ADAMTS9: variants seen among roughly 807,000 people sequenced by gnomAD.
ADAMTS9 encodes the protein A disintegrin and metalloproteinase with thrombospondin motifs 9.
ADAMTS9 carries 107 observed loss-of-function variants against 257.1 expected under a neutral mutation model. The ratio of observed to expected loss-of-function variants is 0.42; its 90% CI spans 0.36 to 0.49. The LOEUF is 0.49. Among genes scored for constraint, ADAMTS9 ranks in the 20% least tolerant of loss-of-function variants. The probability of loss-of-function intolerance (pLI) is 0.03; values close to 1 mark genes in which losing one functional copy is unlikely to be tolerated. For missense variants in ADAMTS9, 2,353 were observed against 2,469.1 expected (o/e 0.95, Z 1.00); for synonymous variants, 982 against 880.9 (o/e 1.11, Z -2.03).
At chr3:64,570,924 A>G (rs1369408499) in intron 28 of ADAMTS9, among the ~76,000 whole-genome samples, 1 of 152,078 alleles carries the variant, frequency 6.6e-6, no homozygotes, top group Non-Finnish European at 1.5e-5. Context: ...CTTAAAGGAT[A>G]TAGAATCATG....
intron 38 of ADAMTS9, 115 bp downstream of exon 38, chr3:64,533,051 G>C (rs944101901): frequency 5.6e-6 from 5 of 887,092 alleles, no homozygotes; most frequent in Non-Finnish European, 8.8e-6. Context: ...CTACAAAATG[G>C]CTTAAGTGGG....
chr3:64,569,975 G>A (rs1190886094), intron 28 of ADAMTS9, among the ~76,000 whole-genome samples: 2 of 152,140 alleles, frequency 1.3e-5, no homozygotes, highest in Middle Eastern at 3.2e-3. Context: ...ATTCTAGAAG[G>A]CTTTTAGAAT....
intron 10 of ADAMTS9, among the ~76,000 whole-genome samples, chr3:64,649,030 A>G (rs1159927636): frequency 6.6e-6 from 1 of 152,170 alleles, no homozygotes; most frequent in Non-Finnish European, 1.5e-5. Flanking sequence ...AGAATGGGCC[A>G]CCCCATAGAA....
chr3:64,564,409 C>T (rs2083488588), intron 29 of ADAMTS9, among the ~76,000 whole-genome samples: 1 of 152,102 alleles, frequency 6.6e-6, no homozygotes, highest in South Asian at 2.1e-4. Flanking sequence ...ATACTTTCTT[C>T]CAGGATTACT....
chr3:64,650,884 T>G (rs1576160931), intron 9 of ADAMTS9, 133 bp downstream of exon 9: 3 of 708,524 alleles, frequency 4.2e-6, no homozygotes, highest in Non-Finnish European at 4.1e-6. Flanking sequence ...TTTTTTTTTT[T>G]GCCTTCTCCA....
Position 64,604,092 on chromosome 3 carries a change from G to C in ADAMTS9, c.3580-3C>G. The C allele has an allele frequency of 4.3e-6, 7 of 1,613,802 alleles. No individual in the cohort carries two copies. The highest frequency in any genetic ancestry group is 5.9e-6 in the Non-Finnish European group (7 of 1,179,838). ...CCTTTCCCACAAGTGGCTGAGCACT[G>C]GGTGTTGGAGTAAAATCATGCAGTT... On this transcript the variant is annotated splice_polypyrimidine_tract_variant and splice_region_variant and intron_variant, in intron 24 of 39. Transcript: ENST00000498707.
chr3:64,625,592 G>A (rs1053538691), intron 16 of ADAMTS9, among the ~76,000 whole-genome samples: 1 of 152,098 alleles, frequency 6.6e-6, no homozygotes, highest in Non-Finnish European at 1.5e-5. Context: ...GGAATTAACT[G>A]CATTGAATTC....
At chr3:64,562,613 G>T (rs2083447037) in intron 29 of ADAMTS9, among the ~76,000 whole-genome samples, 1 of 152,118 alleles carries the variant, frequency 6.6e-6, no homozygotes. Context: ...GGAAAGAATG[G>T]TATATTATTA....
At chr3:64,662,507 C>T (rs1303596310) in intron 3 of ADAMTS9, among the ~76,000 whole-genome samples, 2 of 152,038 alleles carry the variant, frequency 1.3e-5, no homozygotes, top group South Asian at 4.1e-4. Context: ...GCTGAAGTTT[C>T]CAATTATTGT....
chr3:64,607,758 A>G (rs1447856006), intron 22 of ADAMTS9, among the ~76,000 whole-genome samples: 1 of 152,132 alleles, frequency 6.6e-6, no homozygotes, highest in Non-Finnish European at 1.5e-5. Context: ...TTTAAACAAA[A>G]CCTTGCAGAA....
At chr3:64,657,834 T>C (rs922943464) in intron 4 of ADAMTS9, among the ~76,000 whole-genome samples, 1 of 152,186 alleles carries the variant, frequency 6.6e-6, no homozygotes, top group African/African-American at 2.4e-5. Context: ...GCATAGAGAA[T>C]GATACTTAGT....
intron 28 of ADAMTS9, chr3:64,588,419 A>C (rs1229501165): frequency 6.8e-6 from 1 of 148,060 alleles, no homozygotes; most frequent in Non-Finnish European, 1.5e-5. Context: ...TTAAAAATTG[A>C]TTTTTTTTTT....
intron 16 of ADAMTS9, among the ~76,000 whole-genome samples, chr3:64,624,238 T>A: frequency 4.0e-5 from 5 of 126,360 alleles, no homozygotes; most frequent in Admixed American, 1.7e-4. Context: ...ACAAAGAGAG[T>A]GGGAAAGAGA....
At chr3:64,630,115 A>G (rs1308276712) in intron 16 of ADAMTS9, among the ~76,000 whole-genome samples, 1 of 134,870 alleles carries the variant, frequency 7.4e-6, no homozygotes, top group Non-Finnish European at 1.5e-5. Context: ...TTTATTCTAG[A>G]TCTGAGTGTA....
At chr3:64,663,271 C>G (rs1282042565) in intron 3 of ADAMTS9, among the ~76,000 whole-genome samples, 1 of 151,922 alleles carries the variant, frequency 6.6e-6, no homozygotes, top group Non-Finnish European at 1.5e-5. Flanking sequence ...ACTTATACTT[C>G]AATAAAGCTG....
In ADAMTS9 at chr3:64,655,609, C is replaced by A; in HGVS notation, c.1136G>T (p.Gly379Val). The A allele has an allele frequency of 6.2e-7, 1 of 1,614,022 alleles. No homozygotes were observed. The highest frequency in any genetic ancestry group is 8.5e-7 in the Non-Finnish European group (1 of 1,179,938). The change falls in exon 6 of 40, where the codon GGA becomes GTA. Residue 379 changes from glycine to valine, a missense_variant. By Grantham distance (109) the Gly-to-Val change is moderately radical. Transcript: ENST00000498707. ...GAGAACAGCAGTATCATGATGGATT[C>A]CACCTGGACTGTTCTTCGAATGCTG... is the stretch of plus-strand genomic sequence containing the variant. ...QWQHSKNSPG[G>V]IHHDTAVLLT...
intron 30 of ADAMTS9, among the ~76,000 whole-genome samples, chr3:64,551,355 G>A (rs1350029739): frequency 6.6e-6 from 1 of 152,078 alleles, no homozygotes; most frequent in Non-Finnish European, 1.5e-5. Context: ...GACTACAGGC[G>A]CCCGCCACCA....
At chr3:64,650,023 T>C (rs1700892852) in intron 9 of ADAMTS9, 1 of 421,128 alleles carries the variant, frequency 2.4e-6, no homozygotes, top group Middle Eastern at 6.2e-4. Context: ...TGTTACAACG[T>C]TGATCACACT....
intron 28 of ADAMTS9, chr3:64,582,552 C>A (rs1211261886): frequency 6.6e-6 from 1 of 152,162 alleles, no homozygotes; most frequent in Non-Finnish European, 1.5e-5. Context: ...GTGAGAAATT[C>A]ATAGAACTAC....
Sources: gnomAD v4.1 joint callset for allele counts (sites outside exome capture counted in the v4.1 genomes callset) on GRCh38, gnomAD v4.1.1 for gene constraint, MANE v1.5 for transcripts, NCBI Gene and HGNC (gene_info 2026-07-23, HGNC 2026-07-21) for gene names.